Variants in ULK4 observed in about 807,000 individuals in gnomAD.
The protein encoded by ULK4 is inactive serine/threonine-protein kinase ULK4.
In ULK4, 133 loss-of-function variants were observed where a neutral mutation model predicts 160.6. The observed-to-expected ratio is 0.83, with a 90% CI of 0.72 to 0.96. The LOEUF (loss-of-function observed/expected upper bound fraction) is 0.96, where lower values mean the gene tolerates loss of function less well. ULK4 is among the 40% of genes least tolerant of loss of function. The pLI, the probability that ULK4 is intolerant of heterozygous loss-of-function variation, is 0.00. For missense variants in ULK4, 1,580 were observed against 1,499.5 expected (o/e 1.05, Z -0.89); for synonymous variants, 534 against 539.8 (o/e 0.99, Z 0.15).
intron 2 of ULK4, among the ~76,000 whole-genome samples, chr3:41,946,807 GT>G (rs1359722519): frequency 6.6e-6 from 1 of 152,140 alleles, no homozygotes; most frequent in African/African-American, 2.4e-5. Flanking sequence ...ACAGGAGAGG[GT>G]GGCATTTGTT....
rs186656959 is a variant in ULK4 at position 41,401,740 on chromosome 3, A to G, written c.3493-3476T>C. On this transcript the variant is annotated intron_variant, in intron 34 of 36. Coordinates refer to ENST00000301831, the MANE Select transcript of ULK4 (RefSeq NM_017886.4). ...TCAATACTTCCACCCCAATTTCTCA[A>G]TTTCAGCCATTATACAATCAGTTAT... 1.2e-3 allele frequency among the ~76,000 whole-genome samples: 181 copies of G among 152,154 alleles called. 2 individuals carry two copies. Among genetic ancestry groups the G allele is most frequent in the Admixed American group, 6.2e-3 (95 of 15,264 alleles).
At chr3:41,627,259 G>A (rs2033558022) in intron 30 of ULK4, among the ~76,000 whole-genome samples, 1 of 152,160 alleles carries the variant, frequency 6.6e-6, no homozygotes, top group Non-Finnish European at 1.5e-5. Flanking sequence ...AAGAATCTCT[G>A]CCTGTTCTGA....
intron 30 of ULK4, among the ~76,000 whole-genome samples, chr3:41,661,451 A>C (rs1414081298): frequency 6.9e-6 from 1 of 144,338 alleles, no homozygotes; most frequent in East Asian, 1.9e-4. Context: ...ATACTCGTAT[A>C]CATACACACA....
chr3:41,291,684 G>A (rs879692104), intron 35 of ULK4, among the ~76,000 whole-genome samples: 2 of 152,124 alleles, frequency 1.3e-5, no homozygotes, highest in Non-Finnish European at 2.9e-5. Flanking sequence ...TAATCTACAC[G>A]AGTAAACATT....
intron 30 of ULK4, among the ~76,000 whole-genome samples, chr3:41,663,197 G>A (rs1643982258): frequency 6.6e-6 from 1 of 151,656 alleles, no homozygotes; most frequent in Admixed American, 6.6e-5. Flanking sequence ...CTACAGCCTG[G>A]GTGACAGAGT....
At chr3:41,869,384 G>A (rs772700535) in intron 17 of ULK4, among the ~76,000 whole-genome samples, 13 of 151,726 alleles carry the variant, frequency 8.6e-5, no homozygotes, top group Admixed American at 2.0e-4. Flanking sequence ...AGACCAGCCT[G>A]GCCAACATGA....
chr3:41,400,624 T>C (rs553075190), intron 34 of ULK4, among the ~76,000 whole-genome samples: 1 of 152,318 alleles, frequency 6.6e-6, no homozygotes, highest in Non-Finnish European at 1.5e-5. Context: ...CAAATAAAAC[T>C]ACTGTGAACA....
At chr3:41,924,076 C>T (rs1699292468) in intron 5 of ULK4, among the ~76,000 whole-genome samples, 1 of 152,142 alleles carries the variant, frequency 6.6e-6, no homozygotes, top group Non-Finnish European at 1.5e-5. Context: ...ATTAGAAGCT[C>T]TTTTCGATAT....
rs550013599 is a variant in ULK4, at chr3:41,457,684, C to T, written c.3394-2089G>A. On this transcript the variant is annotated intron_variant, in intron 33 of 36. Transcript: ENST00000301831. ...ACATCAGACTCCCTCATGTCAGCCTCCTAACTCCTGGATTTGCCACCCTTT... is the reference window on the plus strand; with the variant it reads ...ACATCAGACTCCCTCATGTCAGCCTTCTAACTCCTGGATTTGCCACCCTTT... Among the ~76,000 whole-genome samples the T allele has an allele frequency of 1.2e-4, 19 of 152,332 alleles. No homozygotes were observed. The South Asian group carries it at 3.7e-3, about 30-fold the overall frequency.
At chr3:41,635,824 A>AT (rs1413888695) in intron 30 of ULK4, among the ~76,000 whole-genome samples, 12 of 152,254 alleles carry the variant, frequency 7.9e-5, no homozygotes, top group South Asian at 2.1e-4. Flanking sequence ...TAGATATATT[A>AT]TATCAGGATA....
At chr3:41,369,411 C>G (rs1250436325) in intron 35 of ULK4, among the ~76,000 whole-genome samples, 23 of 151,132 alleles carry the variant, frequency 1.5e-4, no homozygotes, top group Admixed American at 1.5e-3. Flanking sequence ...AGAGGATCAC[C>G]TGAGCTTGGG....
intron 4 of ULK4, among the ~76,000 whole-genome samples, chr3:41,935,209 A>ATTTTTTTTTTTTTTTTTTTT (rs10524611): frequency 7.4e-6 from 1 of 135,554 alleles, no homozygotes; most frequent in East Asian, 2.1e-4. Context: ...TTATTTATTT[A>ATTTTTTTTTTTTTTTTTTTT]TTTTTTTTTT....
At chr3:41,908,905 C>T (rs1325538528) in intron 11 of ULK4, among the ~76,000 whole-genome samples, 1 of 151,810 alleles carries the variant, frequency 6.6e-6, no homozygotes, top group East Asian at 1.9e-4. Flanking sequence ...CCAGTCTGGC[C>T]AATATGGCAA....
At chr3:41,695,510 A>C (rs189541753) in intron 27 of ULK4, among the ~76,000 whole-genome samples, 1 of 152,344 alleles carries the variant, frequency 6.6e-6, no homozygotes, top group Admixed American at 6.5e-5. Context: ...TCAAAAAAGA[A>C]TAGAGTATGT....
intron 22 of ULK4, among the ~76,000 whole-genome samples, chr3:41,735,566 C>A (rs1255638819): frequency 6.6e-6 from 1 of 151,986 alleles, no homozygotes; most frequent in African/African-American, 2.4e-5. Flanking sequence ...TTGTAGATAT[C>A]CATTCCATTT....
chr3:41,835,368 T>C (rs1175350144), intron 18 of ULK4, among the ~76,000 whole-genome samples: 3 of 152,244 alleles, frequency 2.0e-5, no homozygotes, highest in Non-Finnish European at 4.4e-5. Context: ...TAATGGAATA[T>C]TAAATTTTGG....
At chr3:41,608,220 C>T (rs1026473934) in intron 31 of ULK4, among the ~76,000 whole-genome samples, 5 of 152,158 alleles carry the variant, frequency 3.3e-5, no homozygotes, top group Non-Finnish European at 5.9e-5. Flanking sequence ...TGATTTAGTA[C>T]ATCAGATTTC....
intron 17 of ULK4, among the ~76,000 whole-genome samples, chr3:41,866,814 G>A (rs59134596): frequency 0.058 from 8,881 of 152,174 alleles, 819 homozygotes; most frequent in African/African-American, 0.2. Context: ...AACAGATATA[G>A]GGCTCCCCAA....
chr3:41,793,147 T>C (rs12186076), intron 20 of ULK4, among the ~76,000 whole-genome samples: 44,513 of 150,718 alleles, frequency 0.3, 9,113 homozygotes, highest in African/African-American at 0.59. Flanking sequence ...CATTCCAGCC[T>C]GGGCAACAAG....
Sources: gnomAD v4.1 joint callset for allele counts (sites outside exome capture counted in the v4.1 genomes callset) on GRCh38, gnomAD v4.1.1 for gene constraint, MANE v1.5 for transcripts, NCBI Gene and HGNC (gene_info 2026-07-23, HGNC 2026-07-21) for gene names.